ANO4: variants seen among roughly 807,000 people sequenced by gnomAD.
The protein encoded by ANO4 is anoctamin-4.
ANO4 carries 69 observed loss-of-function variants against 141.9 expected under a neutral mutation model. That is an observed-to-expected ratio of 0.49 (90% confidence interval 0.40 to 0.59). The LOEUF is 0.59. ANO4 is among the 20% of genes least tolerant of loss of function. The probability of loss-of-function intolerance (pLI) is 0.00; values close to 1 mark genes in which losing one functional copy is unlikely to be tolerated. For missense variants in ANO4, 894 were observed against 1,162.2 expected, an observed-to-expected ratio of 0.77 and a Z score of 3.36; for synonymous variants, 350 against 394.3, an observed-to-expected ratio of 0.89 and a Z score of 1.33.
In ANO4 at chr12:100,966,792, CAT is replaced by C. The variant is rs559611845; in HGVS notation, c.457-4513_457-4512del. On this transcript the variant is annotated intron_variant, in intron 5 of 27. Coordinates refer to ENST00000392977, the MANE Select transcript of ANO4 (RefSeq NM_001286615.2). The stretch of plus-strand genomic sequence containing the variant: ...TGTTTATACTATATATATACACACA[CAT>C]GTATATATATACACACACACACATA... Among the ~76,000 whole-genome samples the C allele has an allele frequency of 3.5e-3, 531 of 151,442 alleles. 1 individual carries two copies. Among genetic ancestry groups the C allele is most frequent in the Non-Finnish European group, 3.7e-3 (248 of 67,902 alleles).
intron 1 of ANO4, among the ~76,000 whole-genome samples, chr12:100,849,136 G>A (rs143801831): frequency 6.6e-6 from 1 of 152,184 alleles, no homozygotes; most frequent in Admixed American, 6.6e-5. Flanking sequence ...TGTCCTTTGG[G>A]TAAAAGATCC....
At chr12:101,058,937 T>C (rs1479033531) in intron 14 of ANO4, among the ~76,000 whole-genome samples, 1 of 152,198 alleles carries the variant, frequency 6.6e-6, no homozygotes, top group Non-Finnish European at 1.5e-5. Context: ...TCTTATTTTG[T>C]GCTGGTTTTT....
intron 1 of ANO4, among the ~76,000 whole-genome samples, chr12:100,822,798 T>C (rs1485227818): frequency 6.6e-6 from 1 of 152,014 alleles, no homozygotes; most frequent in Non-Finnish European, 1.5e-5. Context: ...TCCCCTTATC[T>C]TTGGGGCTCT....
intron 14 of ANO4, among the ~76,000 whole-genome samples, chr12:101,050,319 A>G (rs2047806661): frequency 6.6e-6 from 1 of 152,178 alleles, no homozygotes; most frequent in Admixed American, 6.5e-5. Flanking sequence ...CTGTCTCTGA[A>G]CAGGCCATGT....
At chr12:100,733,923 G>C (rs1411722584) in intron 2 of ANO4, 1 of 654,388 alleles carries the variant, frequency 1.5e-6, no homozygotes, top group Non-Finnish European at 2.8e-6. Flanking sequence ...TGGAGGTCAA[G>C]GGGGTGGCTG....
At chr12:100,927,683 T>G (rs573981767) in intron 3 of ANO4, among the ~76,000 whole-genome samples, 1 of 152,220 alleles carries the variant, frequency 6.6e-6, no homozygotes, top group South Asian at 2.1e-4. Context: ...ATTCTCACTT[T>G]AAATTATTTT....
chr12:101,050,215 A>G (rs1374227058), intron 14 of ANO4, among the ~76,000 whole-genome samples: 1 of 152,146 alleles, frequency 6.6e-6, no homozygotes, highest in Non-Finnish European at 1.5e-5. Context: ...GCAAAGAGAG[A>G]ATATAGCCAA....
chr12:101,080,868 A>ATATATATATAT (rs1467849576), intron 15 of ANO4, among the ~76,000 whole-genome samples: 4 of 58,096 alleles, frequency 6.9e-5, no homozygotes, highest in Non-Finnish European at 1.3e-4. Flanking sequence ...GGTTCTAGAT[A>ATATATATATAT]TATATATATA....
At chr12:100,717,741 C>T (rs184626122) in intron 1 of ANO4, among the ~76,000 whole-genome samples, 2 of 152,242 alleles carry the variant, frequency 1.3e-5, no homozygotes, top group Admixed American at 1.3e-4. Context: ...AACCCGGGAA[C>T]CGGGTGTCTG....
At chr12:100,919,031 A>T (rs1387598473) in intron 2 of ANO4, among the ~76,000 whole-genome samples, 1 of 152,184 alleles carries the variant, frequency 6.6e-6, no homozygotes, top group Admixed American at 6.6e-5. Context: ...AAAGTTTTTA[A>T]ATTTAAAACA....
intron 7 of ANO4, among the ~76,000 whole-genome samples, chr12:100,978,850 AAATTGATT>A (rs796969497): frequency 2.0e-5 from 3 of 152,188 alleles, no homozygotes; most frequent in South Asian, 2.1e-4. Context: ...TGACTTTTTA[AAATTGATT>A]CTGTATTATA....
intron 2 of ANO4, among the ~76,000 whole-genome samples, chr12:100,915,997 A>C (rs1218729890): frequency 6.6e-6 from 1 of 152,166 alleles, no homozygotes; most frequent in East Asian, 1.9e-4. Context: ...TGAAATTACT[A>C]AGAATAGTGA....
At chr12:100,994,701 G>A (rs1340508880) in intron 8 of ANO4, among the ~76,000 whole-genome samples, 7 of 152,064 alleles carry the variant, frequency 4.6e-5, no homozygotes, top group Admixed American at 2.0e-4. Context: ...GCTATGCTAC[G>A]TGCACATATG....
intron 1 of ANO4, among the ~76,000 whole-genome samples, chr12:100,873,203 A>AAT (rs1419620479): frequency 3.9e-5 from 6 of 152,208 alleles, no homozygotes; most frequent in Non-Finnish European, 2.9e-5. Context: ...AGAATAGACT[A>AAT]ATACAGCAAA....
chr12:100,998,882 G>A (rs1272942222), intron 8 of ANO4, among the ~76,000 whole-genome samples: 2 of 152,186 alleles, frequency 1.3e-5, no homozygotes, highest in African/African-American at 4.8e-5. Context: ...CATTCATATA[G>A]TGCTTAGTGG....
At chr12:100,898,918 T>G (rs1037135292) in intron 1 of ANO4, among the ~76,000 whole-genome samples, 12 of 152,088 alleles carry the variant, frequency 7.9e-5, no homozygotes, top group African/African-American at 2.9e-4. Flanking sequence ...TCTTCTGGAG[T>G]CTTGATGGGT....
intron 1 of ANO4, among the ~76,000 whole-genome samples, chr12:100,839,692 T>A: frequency 6.7e-6 from 1 of 150,178 alleles, no homozygotes. Context: ...ATTTTAAAGA[T>A]TTTTTTTTTC....
intron 3 of ANO4, among the ~76,000 whole-genome samples, chr12:100,783,595 C>T (rs2033774235): frequency 6.6e-6 from 1 of 152,070 alleles, no homozygotes; most frequent in African/African-American, 2.4e-5. Context: ...AGAGAAGGCA[C>T]TCTAAGTATT....
chr12:101,008,241 C>A (rs919658405), intron 8 of ANO4, among the ~76,000 whole-genome samples: 2 of 152,050 alleles, frequency 1.3e-5, no homozygotes, highest in African/African-American at 4.8e-5. Flanking sequence ...TTTAAATAGC[C>A]CTACAAGGTT....
Sources: gnomAD v4.1 joint callset for allele counts (sites outside exome capture counted in the v4.1 genomes callset) on GRCh38, gnomAD v4.1.1 for gene constraint, MANE v1.5 for transcripts, NCBI Gene and HGNC (gene_info 2026-07-23, HGNC 2026-07-21) for gene names.